The following NEDD9 variants were observed in gnomAD, a reference collection of about 807,000 sequenced individuals.
The protein encoded by NEDD9 is neural precursor cell expressed, developmentally down-regulated 9.
In NEDD9, 26 loss-of-function variants were observed where a neutral mutation model predicts 76.6. The observed-to-expected ratio is 0.34, with a 90% CI of 0.25 to 0.47. The LOEUF is 0.47. Ranked by LOEUF, NEDD9 falls within the 20% of genes least tolerant of loss-of-function variation. NEDD9 has a pLI of 1.00. For missense variants in NEDD9, 937 were observed against 1,058.5 expected (o/e 0.89, Z 1.59); for synonymous variants, 392 against 414.2 (o/e 0.95, Z 0.65).
intron 2 of NEDD9, among the ~76,000 whole-genome samples, chr6:11,195,926 G>A (rs1469292735): frequency 6.6e-6 from 1 of 152,116 alleles, no homozygotes; most frequent in African/African-American, 2.4e-5. Context: ...TTCGAGAGGC[G>A]GAGGTTGCAG....
rs1582054346 is a variant in NEDD9 at position 11,370,647 on chromosome 6, C to T, written c.-214+11492G>A. Reference sequence around the variant, plus strand: ...TCCCTGCTTACAGAGAGCTTCTTTCCCTGCCTGGTAGCACCCGTCCCTCAC... The same window carrying T: ...TCCCTGCTTACAGAGAGCTTCTTTCTCTGCCTGGTAGCACCCGTCCCTCAC... On this transcript the variant is annotated intron_variant, in intron 1 of 3. Transcript: ENST00000397378. The surrounding 1 kb of genome is among the most constrained non-coding windows in gnomAD (Gnocchi z 4.2). Among the ~76,000 whole-genome samples the T allele has an allele frequency of 4.6e-5, 7 of 152,320 alleles. No individual in the cohort carries two copies. The South Asian group carries it at 1.4e-3, about 32-fold the overall frequency.
At chr6:11,202,752 T>G (rs1331582051) in intron 2 of NEDD9, among the ~76,000 whole-genome samples, 2 of 152,252 alleles carry the variant, frequency 1.3e-5, no homozygotes, top group African/African-American at 4.8e-5. Context: ...CTCTTCCAAA[T>G]GCTTCTCTGG....
chr6:11,254,072 T>A (rs916539534), intron 3 of NEDD9, among the ~76,000 whole-genome samples: 2 of 152,210 alleles, frequency 1.3e-5, no homozygotes, highest in African/African-American at 4.8e-5. Flanking sequence ...CCATGAAATA[T>A]TTGGGTTATA....
chr6:11,263,520 T>G (rs1423686503), intron 3 of NEDD9, among the ~76,000 whole-genome samples: 1 of 152,208 alleles, frequency 6.6e-6, no homozygotes, highest in Non-Finnish European at 1.5e-5. Context: ...GTCTGGCGCA[T>G]GGATGGCCCT....
At chr6:11,239,746 G>A (rs1034351986) in intron 3 of NEDD9, among the ~76,000 whole-genome samples, 8 of 152,010 alleles carry the variant, frequency 5.3e-5, no homozygotes, top group Admixed American at 1.3e-4. Context: ...TGTTAAGTTC[G>A]TATTAAAAAA....
chr6:11,300,943 A>C (rs1761031202), intron 3 of NEDD9, among the ~76,000 whole-genome samples: 1 of 152,254 alleles, frequency 6.6e-6, no homozygotes, highest in South Asian at 2.1e-4. Flanking sequence ...TGATGCTATG[A>C]AGAAACTGCA....
At chr6:11,355,685 C>G (rs559043823) in intron 1 of NEDD9, among the ~76,000 whole-genome samples, 1 of 151,672 alleles carries the variant, frequency 6.6e-6, no homozygotes, top group South Asian at 2.1e-4. Flanking sequence ...AACATCCATG[C>G]TTTTCAAACC....
chr6:11,203,384 A>G (rs879631865), intron 2 of NEDD9, among the ~76,000 whole-genome samples: 1 of 152,230 alleles, frequency 6.6e-6, no homozygotes, highest in African/African-American at 2.4e-5. Flanking sequence ...AGAGATGCCC[A>G]CAGACTGCCC....
At position 11,231,686 on chromosome 6, in the gene NEDD9, C is replaced by T. The variant is rs1224745813; in HGVS notation, c.12+818G>A. Among the ~76,000 whole-genome samples, 5 of 152,184 alleles carry T rather than the reference C, an allele frequency of 3.3e-5. No individual in the cohort carries two copies. The East Asian group carries it at 7.7e-4, about 23-fold the overall frequency. On this transcript the variant is annotated intron_variant, in intron 1 of 6. Transcript: ENST00000379446. ...GTGTCCCCTGGAAGCTGCTTGCCTC[C>T]TTAGATGGGAGTGACTTAAAAGAAA...
chr6:11,291,331 G>T (rs1019036794), intron 3 of NEDD9, among the ~76,000 whole-genome samples: 2 of 141,448 alleles, frequency 1.4e-5, no homozygotes, highest in Admixed American at 7.3e-5. Context: ...CTGGAGTGCA[G>T]TGGCACAATC....
intron 3 of NEDD9, among the ~76,000 whole-genome samples, chr6:11,301,836 C>T (rs115047922): frequency 0.12 from 18,224 of 152,168 alleles, 1,244 homozygotes; most frequent in Admixed American, 0.18. Context: ...AGATGCAACA[C>T]ACCAGAATCT....
At chr6:11,223,786 T>G (rs576930245) in intron 1 of NEDD9, among the ~76,000 whole-genome samples, 172 of 152,338 alleles carry the variant, frequency 1.1e-3, no homozygotes, top group African/African-American at 4.0e-3. Context: ...GGGCATGGCT[T>G]TATTTCTAAA....
At chr6:11,268,441 T>G (rs1760240368) in intron 3 of NEDD9, among the ~76,000 whole-genome samples, 1 of 151,942 alleles carries the variant, frequency 6.6e-6, no homozygotes, top group Non-Finnish European at 1.5e-5. Context: ...AATAAAGAAT[T>G]TACCAGCTGG....
intron 2 of NEDD9, among the ~76,000 whole-genome samples, chr6:11,317,889 C>G (rs1761623717): frequency 6.6e-6 from 1 of 152,136 alleles, no homozygotes; most frequent in African/African-American, 2.4e-5. Flanking sequence ...ACGTGTAAAT[C>G]AGTAAATTGA....
intron 1 of NEDD9, among the ~76,000 whole-genome samples, chr6:11,224,739 G>A (rs1349155669): frequency 6.6e-6 from 1 of 152,202 alleles, no homozygotes; most frequent in Non-Finnish European, 1.5e-5. Context: ...GGCTTTGCCT[G>A]TTATGGTTAT....
intron 2 of NEDD9, among the ~76,000 whole-genome samples, chr6:11,322,356 T>G (rs16871252): frequency 0.019 from 2,920 of 150,496 alleles, 98 homozygotes; most frequent in African/African-American, 0.067. Context: ...AAATGCTTTG[T>G]GAATTAGTCA....
intron 1 of NEDD9, among the ~76,000 whole-genome samples, chr6:11,376,502 C>T (rs1582057262): frequency 6.6e-6 from 1 of 152,166 alleles, no homozygotes; most frequent in East Asian, 1.9e-4. Context: ...GCACTGTATG[C>T]TCTAGGGATC....
intron 1 of NEDD9, among the ~76,000 whole-genome samples, chr6:11,358,935 A>T (rs1190373716): frequency 4.6e-5 from 7 of 152,246 alleles, no homozygotes; most frequent in Admixed American, 4.6e-4. Flanking sequence ...TATGCATATT[A>T]TCATGGGGGA....
At chr6:11,293,195 TG>T (rs1760816479) in intron 3 of NEDD9, among the ~76,000 whole-genome samples, 1 of 138,146 alleles carries the variant, frequency 7.2e-6, no homozygotes, top group African/African-American at 2.7e-5. Flanking sequence ...TCTAAGTCTA[TG>T]TTTTTTTTTT....
Sources: allele counts gnomAD v4.1 joint callset (sites outside exome capture counted in the v4.1 genomes callset), GRCh38; gene constraint gnomAD v4.1.1; non-coding constraint Gnocchi (gnomAD v3.1); transcripts MANE v1.5; gene names NCBI Gene and HGNC (gene_info 2026-07-23, HGNC 2026-07-21).